Variants in AGBL1 observed in about 807,000 individuals in gnomAD.
AGBL1 encodes the protein cytosolic carboxypeptidase 4.
In AGBL1, 130 loss-of-function variants were observed where a neutral mutation model predicts 118.9. The ratio of observed to expected loss-of-function variants is 1.09; its 90% CI spans 0.95 to 1.26. The LOEUF is 1.26. AGBL1 is among the 50% of genes most tolerant of loss of function. The pLI, the probability that AGBL1 is intolerant of heterozygous loss-of-function variation, is 0.00. For synonymous variants in AGBL1, 555 were observed against 478.9 expected, an observed-to-expected ratio of 1.16 and a Z score of -2.08; for missense variants, 1,584 against 1,298.1, an observed-to-expected ratio of 1.22 and a Z score of -3.38.
intron 23 of AGBL1, among the ~76,000 whole-genome samples, chr15:86,933,823 A>T (rs987131774): frequency 1.3e-5 from 2 of 152,230 alleles, no homozygotes; most frequent in African/African-American, 4.8e-5. Context: ...CATATAACAT[A>T]GGCTCCCTTG....
Position 86,913,120 on chromosome 15 carries a change from C to CT in AGBL1, c.*5828dup, listed in dbSNP as rs944816892. The CT allele has an allele frequency of 4.6e-5, 7 of 152,094 alleles. No individual in the cohort carries two copies. The highest frequency in any genetic ancestry group is 1.7e-4 in the African/African-American group (7 of 41,494). The allele number at this position is 152,094 out of a possible 1,614,324, so 9.4% of individuals were successfully genotyped here. ...AATAAAAAGATACAATTGCATATAA[C>CT]TTAAAATCATCTATTACACACACAC... On this transcript the variant is annotated 3_prime_UTR_variant, in exon 23 of 23. Transcript: ENST00000614907.
chr15:86,237,862 C>T (rs1438783493), intron 6 of AGBL1, among the ~76,000 whole-genome samples: 3 of 152,160 alleles, frequency 2.0e-5, no homozygotes, highest in Non-Finnish European at 4.4e-5. Flanking sequence ...CATCCTGATC[C>T]CTGCTCACCT....
At chr15:86,453,788 A>G (rs540508516) in intron 18 of AGBL1, among the ~76,000 whole-genome samples, 2 of 152,318 alleles carry the variant, frequency 1.3e-5, no homozygotes, top group Middle Eastern at 3.4e-3. Flanking sequence ...TAATAAAAGC[A>G]CCGACAAAAC....
chr15:86,972,281 C>T (rs1433170592), intron 23 of AGBL1, among the ~76,000 whole-genome samples: 2 of 151,946 alleles, frequency 1.3e-5, no homozygotes, highest in Non-Finnish European at 2.9e-5. Context: ...AAAGAAGTTT[C>T]ACAGATACAA....
chr15:86,196,884 C>CAA (rs2077820337), intron 5 of AGBL1, among the ~76,000 whole-genome samples: 1 of 96,540 alleles, frequency 1.0e-5, no homozygotes, highest in East Asian at 3.4e-4. Context: ...CGCGCGCACA[C>CAA]ACACACACAC....
intron 17 of AGBL1, among the ~76,000 whole-genome samples, chr15:86,363,125 T>C (rs530557337): frequency 6.6e-6 from 1 of 152,138 alleles, no homozygotes; most frequent in East Asian, 1.9e-4. Flanking sequence ...GCCTGCTTTC[T>C]CAAAGGGGAT....
chr15:86,830,630 C>T (rs900975806), intron 22 of AGBL1, among the ~76,000 whole-genome samples: 5 of 152,172 alleles, frequency 3.3e-5, no homozygotes, highest in African/African-American at 9.7e-5. Flanking sequence ...TAGTGTCTAT[C>T]CTGTCAGCAA....
rs534401950 is a variant in AGBL1 at position 86,312,635 on chromosome 15, G to A, written c.2374+17227G>A. 2.6e-5 allele frequency among the ~76,000 whole-genome samples: 4 copies of A among 152,324 alleles called. No homozygotes were observed. In the East Asian group the frequency reaches 7.7e-4, roughly 29 times the overall value. ...TCCTATGTGTATCTTCCCTGCAGCT[G>A]ATTTTCTGTGGCTCATTGAGCAACG... On this transcript the variant is annotated intron_variant, in intron 17 of 22. Transcript: ENST00000614907.
intron 18 of AGBL1, among the ~76,000 whole-genome samples, chr15:86,464,534 G>C (rs998038539): frequency 5.9e-5 from 9 of 152,156 alleles, no homozygotes; most frequent in African/African-American, 1.9e-4. Context: ...CAAAGGGAAT[G>C]CTTCCAGCTT....
rs1306339317 is a variant in AGBL1, at chr15:86,147,133, A to C, written c.262+3288A>C. On this transcript the variant is annotated intron_variant, in intron 3 of 22. Transcript: ENST00000614907. ...AGTAATGTAGAAATATTAGAGGGGA[A>C]ATAGGGGGCATTCCAAGATGGCCCA... Among the ~76,000 whole-genome samples, 3 of 152,208 alleles carry C rather than the reference A, an allele frequency of 2.0e-5. No individual in the cohort carries two copies. The East Asian group carries it at 5.8e-4, about 29-fold the overall frequency.
At chr15:86,636,162 A>AG (rs961796588) in intron 21 of AGBL1, among the ~76,000 whole-genome samples, 1 of 152,164 alleles carries the variant, frequency 6.6e-6, no homozygotes, top group Non-Finnish European at 1.5e-5. Flanking sequence ...AGTATCGGAG[A>AG]GGGGAGACAG....
At chr15:86,493,067 A>G (rs2082804564) in intron 18 of AGBL1, among the ~76,000 whole-genome samples, 1 of 151,986 alleles carries the variant, frequency 6.6e-6, no homozygotes, top group African/African-American at 2.4e-5. Flanking sequence ...GGTGGTGCAC[A>G]CCTGTAGTCC....
At position 86,203,038 on chromosome 15, in the gene AGBL1, C is replaced by G. The variant is rs1044729681; in HGVS notation, c.489-21876C>G. Among the ~76,000 whole-genome samples the G allele has an allele frequency of 3.9e-5, 6 of 152,166 alleles. No individual in the cohort carries two copies. The East Asian group carries it at 1.2e-3, about 29-fold the overall frequency. On this transcript the variant is annotated intron_variant, in intron 5 of 22. Coordinates refer to ENST00000614907, the MANE Select transcript of AGBL1 (RefSeq NM_001386094.1). ...GTTCAAGGCTGCAGTGAGCTGTGAT[C>G]ACACCACTGCACTCCAGCCTGAGTG...
At chr15:86,328,362 A>T (rs1465340530) in intron 17 of AGBL1, among the ~76,000 whole-genome samples, 1 of 152,252 alleles carries the variant, frequency 6.6e-6, no homozygotes, top group African/African-American at 2.4e-5. Flanking sequence ...GAAAGATTTT[A>T]GATGAAATTA....
rs997423002 is a variant in AGBL1 at position 86,915,011 on chromosome 15, G to A, written c.*7717G>A. On this transcript the variant is annotated 3_prime_UTR_variant, in exon 23 of 23. Transcript: ENST00000614907. ...TTGATTATGCCGATAGTAAACCGGC[G>A]TTGTTTGATTTATTTGTGTGCCAGA... The A allele has an allele frequency of 3.3e-5, 5 of 152,284 alleles. No homozygotes were observed. Among genetic ancestry groups the A allele is most frequent in the Admixed American group, 6.5e-5 (1 of 15,296 alleles). The allele number at this position is 152,284 out of a possible 1,614,324, so 9.4% of individuals were successfully genotyped here. A position where few individuals can be genotyped will look rare whatever the true frequency, so the allele number is the denominator to read the frequency against.
At chr15:86,647,594 G>T (rs1490822959) in intron 21 of AGBL1, among the ~76,000 whole-genome samples, 1 of 152,106 alleles carries the variant, frequency 6.6e-6, no homozygotes, top group African/African-American at 2.4e-5. Flanking sequence ...CCAGCTACTC[G>T]GAAGGCTGAG....
At chr15:86,228,766 T>C (rs1191529381) in intron 6 of AGBL1, among the ~76,000 whole-genome samples, 2 of 152,208 alleles carry the variant, frequency 1.3e-5, no homozygotes, top group East Asian at 1.9e-4. Context: ...TATGTGGGTG[T>C]TGGGAAAAGA....
At chr15:86,829,295 A>G (rs961476703) in intron 22 of AGBL1, among the ~76,000 whole-genome samples, 2 of 152,186 alleles carry the variant, frequency 1.3e-5, no homozygotes, top group African/African-American at 4.8e-5. Flanking sequence ...ACATATGAGA[A>G]TACTGCTCCA....
At chr15:86,498,023 A>G (rs2142155123) in intron 18 of AGBL1, among the ~76,000 whole-genome samples, 1 of 152,048 alleles carries the variant, frequency 6.6e-6, no homozygotes, top group Middle Eastern at 3.4e-3. Context: ...GGTATAATGA[A>G]TGAGTGCCTA....
Sources: gnomAD v4.1 joint callset for allele counts (sites outside exome capture counted in the v4.1 genomes callset) on GRCh38, gnomAD v4.1.1 for gene constraint, MANE v1.5 for transcripts, NCBI Gene and HGNC (gene_info 2026-07-23, HGNC 2026-07-21) for gene names.